OSBPL11: variants seen among roughly 807,000 people sequenced by gnomAD.
OSBPL11 encodes oxysterol-binding protein-related protein 11.
OSBPL11 carries 33 observed loss-of-function variants against 84.4 expected under a neutral mutation model. The ratio of observed to expected loss-of-function variants is 0.39; its 90% CI spans 0.30 to 0.52. The LOEUF is 0.52. Ranked by LOEUF, OSBPL11 falls within the 20% of genes least tolerant of loss-of-function variation. The pLI is 0.72. For missense variants in OSBPL11, 736 were observed against 901.1 expected (o/e 0.82, Z 2.35); for synonymous variants, 276 against 310.2 (o/e 0.89, Z 1.16).
At chr3:125,572,681 C>T (rs1243965643) in intron 5 of OSBPL11, among the ~76,000 whole-genome samples, 1 of 151,894 alleles carries the variant, frequency 6.6e-6, no homozygotes, top group East Asian at 1.9e-4. Context: ...CCCCTCCTTG[C>T]CTTCCGCCAT....
At chr3:125,572,985 A>G (rs900951360) in intron 5 of OSBPL11, among the ~76,000 whole-genome samples, 1 of 148,124 alleles carries the variant, frequency 6.8e-6, no homozygotes, top group African/African-American at 2.5e-5. Context: ...ATATATATCT[A>G]TAGTAAGATA....
chr3:125,540,550 A>G (rs947193410), intron 10 of OSBPL11, among the ~76,000 whole-genome samples: 3 of 152,102 alleles, frequency 2.0e-5, no homozygotes, highest in Non-Finnish European at 2.9e-5. Context: ...CCACTTGCCA[A>G]CATCCTTCCC....
chr3:125,577,336 C>T (rs918198033), intron 4 of OSBPL11, among the ~76,000 whole-genome samples: 21 of 152,058 alleles, frequency 1.4e-4, no homozygotes, highest in African/African-American at 5.1e-4. Flanking sequence ...TCTCCTTTCA[C>T]CTTGAAAAAT....
intron 5 of OSBPL11, among the ~76,000 whole-genome samples, chr3:125,573,390 G>C (rs915399198): frequency 6.6e-6 from 1 of 152,108 alleles, no homozygotes; most frequent in African/African-American, 2.4e-5. Flanking sequence ...TACTAGAATG[G>C]TCATTTGAGT....
At chr3:125,563,909 A>AT (rs1936115555) in intron 6 of OSBPL11, 66 bp from the exon 7 acceptor site, 1 of 1,574,500 alleles carries the variant, frequency 6.4e-7, no homozygotes, top group African/African-American at 1.4e-5. Flanking sequence ...GCAGATGTGG[A>AT]TTTTAACAAT....
rs182335266 is a variant in OSBPL11, at chr3:125,575,127, T to C, written c.666+1062A>G. 2.5e-3 allele frequency among the ~76,000 whole-genome samples: 386 copies of C among 152,292 alleles called. 1 individual carries two copies. Among genetic ancestry groups the C allele is most frequent in the African/African-American group, 3.4e-3 (143 of 41,570 alleles). ...AACTAAAACAACATACTACAGTAGATTGAATACAGAAACGGATATGAGAAT... is the reference window on the plus strand; with the variant it reads ...AACTAAAACAACATACTACAGTAGACTGAATACAGAAACGGATATGAGAAT... On this transcript the variant is annotated intron_variant, in intron 5 of 12. Coordinates refer to ENST00000296220, the MANE Select transcript of OSBPL11 (RefSeq NM_022776.5).
At chr3:125,591,311 C>A (rs1051718259) in intron 1 of OSBPL11, among the ~76,000 whole-genome samples, 9 of 152,220 alleles carry the variant, frequency 5.9e-5, no homozygotes, top group Non-Finnish European at 8.8e-5. Flanking sequence ...TATTCTCACA[C>A]CCTTGTGTGG....
At chr3:125,582,880 G>A in intron 2 of OSBPL11, 30 bp downstream of exon 2, 1 of 1,502,144 alleles carries the variant, frequency 6.7e-7, no homozygotes, top group African/African-American at 1.4e-5. Context: ...TCTTAGGAGA[G>A]ACTGATGTGA....
At chr3:125,575,909 T>C (rs1936315323) in intron 5 of OSBPL11, among the ~76,000 whole-genome samples, 1 of 151,388 alleles carries the variant, frequency 6.6e-6, no homozygotes, top group Admixed American at 6.6e-5. Flanking sequence ...ATTACCCTTT[T>C]GATCATAAAA....
intron 8 of OSBPL11, among the ~76,000 whole-genome samples, chr3:125,554,293 C>T (rs949490099): frequency 5.3e-5 from 8 of 152,176 alleles, no homozygotes; most frequent in East Asian, 1.9e-4. Context: ...ATAAACTAAA[C>T]GTTAGCTATT....
chr3:125,571,745 G>C (rs1412862409), intron 5 of OSBPL11, among the ~76,000 whole-genome samples: 1 of 152,186 alleles, frequency 6.6e-6, no homozygotes, highest in African/African-American at 2.4e-5. Flanking sequence ...GGGAACCTCT[G>C]CCTAGATTTC....
intron 9 of OSBPL11, among the ~76,000 whole-genome samples, chr3:125,551,109 A>AC (rs1935899528): frequency 6.7e-6 from 1 of 149,324 alleles, no homozygotes; most frequent in Admixed American, 6.7e-5. Context: ...GGCTGCAGTT[A>AC]GTTATGACCA....
intron 12 of OSBPL11, 139 bp downstream of exon 12, chr3:125,531,722 A>C: frequency 1.2e-6 from 1 of 806,162 alleles, no homozygotes; most frequent in Non-Finnish European, 1.8e-6. Flanking sequence ...GCTGGTCTCA[A>C]AAACAGTTGG....
Position 125,576,385 on chromosome 3 carries a change from A to T in OSBPL11, c.490-20T>A. ...ATTATTCTGTTAGACAAAGAAAATC[A>T]TTCCTTTTGTTTTCTTCTTTAATTT... On this transcript the variant is annotated intron_variant, in intron 4 of 12. Transcript: ENST00000296220. 1 of 1,530,450 alleles carries T rather than the reference A, an allele frequency of 6.5e-7. No individual in the cohort carries two copies. Among genetic ancestry groups the T allele is most frequent in the Non-Finnish European group, 8.7e-7 (1 of 1,145,358 alleles). The allele number at this position is 1,530,450 out of a possible 1,614,324, so 94.8% of individuals were successfully genotyped here.
chr3:125,529,598 TAATACTGGATATTAACCTAA>T lies in OSBPL11; in HGVS notation c.*897_*916del, dbSNP rs1168731637. On this transcript the variant is annotated 3_prime_UTR_variant, in exon 13 of 13. Coordinates refer to ENST00000296220, the MANE Select transcript of OSBPL11 (RefSeq NM_022776.5). ...CATACTTATCCAAAGGGATAACACA[TAATACTGGATATTAACCTAA>T]AGGTGAAAAGAAAGAAGGAAAAAAG... is the stretch of plus-strand genomic sequence containing the variant. 1 of 152,604 alleles carries T rather than the reference TAATACTGGATATTAACCTAA, an allele frequency of 6.6e-6. No homozygotes were observed. Among genetic ancestry groups the T allele is most frequent in the Non-Finnish European group, 1.5e-5 (1 of 68,028 alleles). The allele number at this position is 152,604 out of a possible 1,614,324, so 9.5% of individuals were successfully genotyped here.
intron 11 of OSBPL11, among the ~76,000 whole-genome samples, chr3:125,534,557 C>G (rs1209573346): frequency 1.3e-5 from 2 of 149,962 alleles, no homozygotes; most frequent in East Asian, 3.9e-4. Context: ...TAGAAATCAT[C>G]AACACATTTG....
chr3:125,543,768 C>T (rs1935769970), intron 10 of OSBPL11, among the ~76,000 whole-genome samples: 1 of 152,040 alleles, frequency 6.6e-6, no homozygotes, highest in Non-Finnish European at 1.5e-5. Flanking sequence ...GGCATCGTGG[C>T]ACGTGCCTGT....
chr3:125,536,917 G>A (rs12494422), intron 11 of OSBPL11, among the ~76,000 whole-genome samples: 10,129 of 152,100 alleles, frequency 0.067, 456 homozygotes, highest in Non-Finnish European at 0.098. Flanking sequence ...CCAGCACTTT[G>A]GGAGGCTGAG....
At chr3:125,577,292 G>A (rs1033806844) in intron 4 of OSBPL11, among the ~76,000 whole-genome samples, 1 of 151,850 alleles carries the variant, frequency 6.6e-6, no homozygotes, top group African/African-American at 2.4e-5. Context: ...TTAATTTTTA[G>A]ACATCTCTAA....
Sources: allele counts gnomAD v4.1 joint callset (sites outside exome capture counted in the v4.1 genomes callset), GRCh38; gene constraint gnomAD v4.1.1; transcripts MANE v1.5; gene names NCBI Gene and HGNC (gene_info 2026-07-23, HGNC 2026-07-21).